ERC1: variants seen among roughly 807,000 people sequenced by gnomAD.
ERC1 encodes the protein RAB6 interacting protein 2.
A neutral mutation model predicts 132.0 loss-of-function variants in ERC1; 56 were observed. The observed-to-expected ratio is 0.42, with a 90% CI of 0.34 to 0.53. The LOEUF (loss-of-function observed/expected upper bound fraction) is 0.53, where lower values mean the gene tolerates loss of function less well. ERC1 is among the 20% of genes least tolerant of loss of function. ERC1 has a pLI of 0.03. For synonymous variants in ERC1, 478 were observed against 476.1 expected (o/e 1.00, Z -0.05); for missense variants, 1,202 against 1,349.9 (o/e 0.89, Z 1.72).
chr12:990,300 A>G (rs559207425), upstream of ERC1: 6 of 152,070 alleles, frequency 3.9e-5, no homozygotes, highest in Non-Finnish European at 8.8e-5. Flanking sequence ...CTTGGTTTAG[A>G]GATAGCTTAT....
At chr12:1,252,128 CTG>C (rs1396862521) in intron 13 of ERC1, among the ~76,000 whole-genome samples, 7 of 152,104 alleles carry the variant, frequency 4.6e-5, no homozygotes, top group Non-Finnish European at 7.4e-5. Flanking sequence ...TATCATTTCT[CTG>C]TGTTAGGAAC....
At chr12:1,469,628 T>C (rs2093816763) in intron 18 of ERC1, among the ~76,000 whole-genome samples, 1 of 152,216 alleles carries the variant, frequency 6.6e-6, no homozygotes, top group Non-Finnish European at 1.5e-5. Flanking sequence ...CTCACAAGTA[T>C]GGAGAGCCTT....
intron 12 of ERC1, among the ~76,000 whole-genome samples, chr12:1,233,287 A>G (rs1438798897): frequency 6.6e-6 from 1 of 152,054 alleles, no homozygotes; most frequent in East Asian, 1.9e-4. Flanking sequence ...CTTGGCCCAC[A>G]TGGTGAAACC....
rs57458560 is a variant in ERC1 at position 1,296,401 on chromosome 12, C to CTTTTTT, written c.2780+6413_2780+6418dup. On this transcript the variant is annotated intron_variant, in intron 15 of 18. Coordinates refer to ENST00000360905, the MANE Select transcript of ERC1 (RefSeq NM_178040.4). ...AGAAATGAAACATTTATTGGATAGT[C>CTTTTTT]TTTTTTTTTTTTTTTTTTTTTTTTT... Among the ~76,000 whole-genome samples the CTTTTTT allele has an allele frequency of 3.4e-3, 257 of 76,232 alleles. 45 individuals carry two copies. Among genetic ancestry groups the CTTTTTT allele is most frequent in the South Asian group, 0.017 (30 of 1,814 alleles). 50.0% of individuals were successfully genotyped at this position (76,232 alleles called of 152,430 possible). A position where few individuals can be genotyped will look rare whatever the true frequency, so the allele number is the denominator to read the frequency against.
At chr12:1,076,613 T>A (rs183399686) in intron 2 of ERC1, among the ~76,000 whole-genome samples, 1 of 152,148 alleles carries the variant, frequency 6.6e-6, no homozygotes, top group Non-Finnish European at 1.5e-5. Context: ...CAGGCTGATC[T>A]TGAACTCCTG....
At chr12:1,049,855 C>G (rs1372306291) in intron 2 of ERC1, among the ~76,000 whole-genome samples, 1 of 150,412 alleles carries the variant, frequency 6.6e-6, no homozygotes, top group Non-Finnish European at 1.5e-5. Flanking sequence ...CGGGTTCAAG[C>G]GATTCTCCTG....
intron 7 of ERC1, among the ~76,000 whole-genome samples, chr12:1,140,594 T>TA (rs1183877717): frequency 6.6e-6 from 1 of 152,178 alleles, no homozygotes; most frequent in Non-Finnish European, 1.5e-5. Flanking sequence ...TGATGTACCC[T>TA]AAATGTGAAA....
intron 2 of ERC1, among the ~76,000 whole-genome samples, chr12:1,075,354 G>A (rs1400404105): frequency 6.6e-6 from 1 of 152,058 alleles, no homozygotes; most frequent in Non-Finnish European, 1.5e-5. Context: ...TGTATTTTAT[G>A]TATATACTGC....
intron 2 of ERC1, among the ~76,000 whole-genome samples, chr12:1,046,566 A>G (rs1489540342): frequency 1.3e-5 from 2 of 152,180 alleles, no homozygotes; most frequent in African/African-American, 2.4e-5. Context: ...TAGAGTCTAT[A>G]TGACTTACTA....
At chr12:1,160,709 A>G (rs1001242107) in intron 8 of ERC1, among the ~76,000 whole-genome samples, 3 of 149,818 alleles carry the variant, frequency 2.0e-5, no homozygotes, top group Non-Finnish European at 4.5e-5. Flanking sequence ...AGACTCTGCC[A>G]AAAAAAAAAT....
chr12:1,335,146 C>T (rs1195378627), intron 15 of ERC1, among the ~76,000 whole-genome samples: 1 of 152,122 alleles, frequency 6.6e-6, no homozygotes, highest in Non-Finnish European at 1.5e-5. Context: ...ATGGGGTTTT[C>T]TAGATACAGG....
chr12:1,361,150 A>G (rs2086063802), intron 15 of ERC1, among the ~76,000 whole-genome samples: 2 of 151,254 alleles, frequency 1.3e-5, no homozygotes, highest in Non-Finnish European at 1.5e-5. Context: ...AAGATACTCA[A>G]AGATAGACCC....
chr12:1,327,775 T>G (rs1396218356), intron 15 of ERC1, among the ~76,000 whole-genome samples: 1 of 152,188 alleles, frequency 6.6e-6, no homozygotes, highest in African/African-American at 2.4e-5. Context: ...CCCTATCAAC[T>G]GCCAACTGCA....
intron 14 of ERC1, among the ~76,000 whole-genome samples, chr12:1,273,048 A>G (rs748992927): frequency 7.9e-5 from 12 of 152,038 alleles, no homozygotes; most frequent in Non-Finnish European, 1.8e-4. Flanking sequence ...CAGTTTTACT[A>G]AGCCAGATGT....
chr12:1,374,026 A>G (rs1009763206), intron 16 of ERC1, among the ~76,000 whole-genome samples: 3 of 152,220 alleles, frequency 2.0e-5, no homozygotes, highest in African/African-American at 4.8e-5. Flanking sequence ...TGCTGTGAGC[A>G]AGAAGGAAGG....
chr12:1,470,018 T>C (rs987675773), intron 18 of ERC1, among the ~76,000 whole-genome samples: 10 of 152,080 alleles, frequency 6.6e-5, no homozygotes, highest in African/African-American at 2.4e-4. Context: ...CCATGGCCCT[T>C]GTGAGTTACG....
chr12:1,379,353 G>A (rs2088337306), intron 16 of ERC1, among the ~76,000 whole-genome samples: 1 of 152,182 alleles, frequency 6.6e-6, no homozygotes, highest in South Asian at 2.1e-4. Flanking sequence ...CCAGTAACAA[G>A]TTCCTTGCTT....
chr12:1,198,568 C>T (rs954520554), intron 12 of ERC1, among the ~76,000 whole-genome samples: 1 of 152,164 alleles, frequency 6.6e-6, no homozygotes, highest in Non-Finnish European at 1.5e-5. Flanking sequence ...TCTTTGCTAA[C>T]CATCTTTTCC....
At chr12:1,331,306 T>C (rs192929973) in intron 15 of ERC1, among the ~76,000 whole-genome samples, 52 of 152,350 alleles carry the variant, frequency 3.4e-4, no homozygotes, top group Admixed American at 2.3e-3. Context: ...GTTGTGAGTT[T>C]TACTCATGTT....
Sources: gnomAD v4.1 joint callset for allele counts (sites outside exome capture counted in the v4.1 genomes callset) on GRCh38, gnomAD v4.1.1 for gene constraint, MANE v1.5 for transcripts, NCBI Gene and HGNC (gene_info 2026-07-23, HGNC 2026-07-21) for gene names.